The following CSMD1 variants were observed in gnomAD, a reference collection of about 807,000 sequenced individuals.
CSMD1 encodes the protein CUB and Sushi multiple domains 1.
CSMD1 carries 213 observed loss-of-function variants against 417.5 expected under a neutral mutation model. The ratio of observed to expected loss-of-function variants is 0.51; its 90% CI spans 0.46 to 0.57. The LOEUF (loss-of-function observed/expected upper bound fraction) is 0.57. CSMD1 is among the 20% of genes least tolerant of loss of function. The pLI is 0.00. For synonymous variants in CSMD1, 2,862 were observed against 1,736.8 expected (o/e 1.65, Z -16.11); for missense variants, 6,923 against 4,529.7 (o/e 1.53, Z -15.17).
At chr8:3,354,749 A>G (rs999255992) in intron 21 of CSMD1, among the ~76,000 whole-genome samples, 1 of 151,026 alleles carries the variant, frequency 6.6e-6, no homozygotes, top group Non-Finnish European at 1.5e-5. Context: ...CCAAAATTAA[A>G]TAACTACATA....
chr8:4,758,312 T>C (rs192411158), intron 1 of CSMD1, among the ~76,000 whole-genome samples: 1 of 152,222 alleles, frequency 6.6e-6, no homozygotes, highest in Admixed American at 6.6e-5. Flanking sequence ...TTATGCTTAA[T>C]TCGCTGGTTC....
chr8:4,274,341 T>A (rs1796347216), intron 3 of CSMD1, among the ~76,000 whole-genome samples: 1 of 152,154 alleles, frequency 6.6e-6, no homozygotes, highest in Non-Finnish European at 1.5e-5. Flanking sequence ...ACATGACTTT[T>A]TTTACGTTTC....
chr8:4,045,016 C>T (rs1399242462), intron 3 of CSMD1, among the ~76,000 whole-genome samples: 1 of 152,216 alleles, frequency 6.6e-6, no homozygotes, highest in East Asian at 1.9e-4. Context: ...CAATGTTATG[C>T]CTGAATCTTC....
At chr8:4,811,319 G>A (rs1453923996) in intron 1 of CSMD1, among the ~76,000 whole-genome samples, 1 of 152,136 alleles carries the variant, frequency 6.6e-6, no homozygotes, top group Non-Finnish European at 1.5e-5. Flanking sequence ...TATTGACTCG[G>A]AGAGAGAAGT....
intron 10 of CSMD1, among the ~76,000 whole-genome samples, chr8:3,529,112 T>G (rs1355775371): frequency 3.3e-5 from 5 of 152,208 alleles, no homozygotes; most frequent in African/African-American, 1.2e-4. Context: ...AAAAGTGAAC[T>G]AATCATTATT....
At chr8:3,892,939 G>A (rs553102723) in intron 5 of CSMD1, among the ~76,000 whole-genome samples, 2 of 148,208 alleles carry the variant, frequency 1.3e-5, no homozygotes, top group African/African-American at 4.9e-5. Flanking sequence ...TTAACTTGAA[G>A]GAAGTTTTCT....
At chr8:3,694,962 G>C (rs1189562478) in intron 7 of CSMD1, among the ~76,000 whole-genome samples, 2 of 152,062 alleles carry the variant, frequency 1.3e-5, no homozygotes, top group Non-Finnish European at 2.9e-5. Flanking sequence ...AAGAAAAGTA[G>C]TGAAAATTGT....
intron 5 of CSMD1, among the ~76,000 whole-genome samples, chr8:3,975,067 C>G (rs544506522): frequency 1.3e-5 from 2 of 152,252 alleles, no homozygotes; most frequent in Non-Finnish European, 2.9e-5. Context: ...CATCTGTACA[C>G]TGAAGTTTAT....
chr8:3,263,565 A>G (rs944884907), intron 26 of CSMD1, among the ~76,000 whole-genome samples: 5 of 152,210 alleles, frequency 3.3e-5, no homozygotes, highest in Non-Finnish European at 7.4e-5. Flanking sequence ...CATTCAAGTA[A>G]TTTTTGAAAT....
intron 1 of CSMD1, among the ~76,000 whole-genome samples, chr8:4,680,258 A>C (rs1563128769): frequency 6.6e-6 from 1 of 152,186 alleles, no homozygotes; most frequent in Non-Finnish European, 1.5e-5. Flanking sequence ...TCAAAAATAC[A>C]TGTTATGTTA....
intron 5 of CSMD1, among the ~76,000 whole-genome samples, chr8:3,850,977 A>G (rs1440577702): frequency 1.3e-5 from 2 of 152,234 alleles, no homozygotes; most frequent in East Asian, 3.8e-4. Flanking sequence ...ACAGATGAGT[A>G]TAATAAGTGC....
At chr8:4,088,448 C>A (rs1800537858) in intron 3 of CSMD1, among the ~76,000 whole-genome samples, 2 of 152,214 alleles carry the variant, frequency 1.3e-5, no homozygotes, top group African/African-American at 2.4e-5. Context: ...CAGCCTCTGT[C>A]TCTCTCTATC....
At chr8:4,463,517 G>C (rs1250607102) in intron 2 of CSMD1, among the ~76,000 whole-genome samples, 2 of 152,086 alleles carry the variant, frequency 1.3e-5, no homozygotes, top group Non-Finnish European at 2.9e-5. Context: ...ACAAATGTCA[G>C]TCAACCGATG....
At chr8:4,317,661 G>C (rs189535625) in intron 3 of CSMD1, among the ~76,000 whole-genome samples, 1 of 152,092 alleles carries the variant, frequency 6.6e-6, no homozygotes, top group Non-Finnish European at 1.5e-5. Context: ...CAAGCAGGAA[G>C]TTTAAATCAA....
intron 2 of CSMD1, among the ~76,000 whole-genome samples, chr8:4,466,866 C>T (rs182166363): frequency 5.9e-5 from 9 of 151,964 alleles, no homozygotes; most frequent in South Asian, 2.1e-4. Flanking sequence ...ATGACTTCAG[C>T]GATGAGACTA....
chr8:4,803,112 T>A (rs766192272), intron 1 of CSMD1, among the ~76,000 whole-genome samples: 33 of 152,180 alleles, frequency 2.2e-4, no homozygotes, highest in Non-Finnish European at 4.0e-4. Context: ...ATTTAAAAGA[T>A]CATGTATATG....
intron 3 of CSMD1, among the ~76,000 whole-genome samples, chr8:4,180,898 A>G (rs1480619473): frequency 1.1e-4 from 17 of 152,168 alleles, no homozygotes; most frequent in Non-Finnish European, 8.8e-5. Flanking sequence ...GTGCATTGGT[A>G]TATTTATTTC....
chr8:3,460,257 T>C (rs907781184), intron 12 of CSMD1, among the ~76,000 whole-genome samples: 2 of 152,058 alleles, frequency 1.3e-5, no homozygotes, highest in Non-Finnish European at 2.9e-5. Context: ...AGAAGAATGA[T>C]CCTTGTTGGG....
chr8:4,366,327 C>G (rs1465278173), intron 3 of CSMD1, among the ~76,000 whole-genome samples: 1 of 152,038 alleles, frequency 6.6e-6, no homozygotes, highest in Non-Finnish European at 1.5e-5. Context: ...AGCCAGTTCA[C>G]CATTGGTGAA....
Sources: gnomAD v4.1 joint callset for allele counts (sites outside exome capture counted in the v4.1 genomes callset) on GRCh38, gnomAD v4.1.1 for gene constraint, MANE v1.5 for transcripts, NCBI Gene and HGNC (gene_info 2026-07-23, HGNC 2026-07-21) for gene names.